SRGAP2: variants seen among roughly 807,000 people sequenced by gnomAD.
SRGAP2 encodes the protein SLIT-ROBO Rho GTPase activating protein 2.
A neutral mutation model predicts 57.2 loss-of-function variants in SRGAP2; 15 were observed. The observed-to-expected ratio is 0.26, with a 90% confidence interval of 0.18 to 0.40. The LOEUF is 0.40. Ranked by LOEUF, SRGAP2 falls within the 10% of genes least tolerant of loss-of-function variation. The pLI is 1.00. For missense variants in SRGAP2, 520 were observed against 669.6 expected, an observed-to-expected ratio of 0.78 and a Z score of 2.47; for synonymous variants, 249 against 248.0, an observed-to-expected ratio of 1.00 and a Z score of -0.04.
intron 3 of SRGAP2, among the ~76,000 whole-genome samples, chr1:206,314,092 TTTTG>T (rs1672875908): frequency 7.7e-6 from 1 of 130,312 alleles, no homozygotes; most frequent in African/African-American, 3.0e-5. Flanking sequence ...AGAGGGGCTT[TTTTG>T]TTTTTTTTGT....
At chr1:206,324,645 T>C (rs558168457) in intron 3 of SRGAP2, among the ~76,000 whole-genome samples, 2 of 152,270 alleles carry the variant, frequency 1.3e-5, no homozygotes, top group African/African-American at 4.8e-5. Context: ...AGGGAGCGTG[T>C]TCCTTGGAAA....
At chr1:206,373,072 A>C (rs1318462346) in intron 4 of SRGAP2, among the ~76,000 whole-genome samples, 93 of 38,142 alleles carry the variant, frequency 2.4e-3, no homozygotes, top group Admixed American at 3.6e-3. Flanking sequence ...CTGCCCCCCC[A>C]CTTCTTTCTT....
chr1:206,239,983 G>C (rs1205991246), intron 2 of SRGAP2, among the ~76,000 whole-genome samples: 14 of 151,448 alleles, frequency 9.2e-5, no homozygotes, highest in African/African-American at 3.2e-4. Context: ...GAAAGACATT[G>C]GGCCAGGCAC....
chr1:206,431,234 T>C (rs539304952), intron 14 of SRGAP2, among the ~76,000 whole-genome samples: 1 of 152,198 alleles, frequency 6.6e-6, no homozygotes, highest in Non-Finnish European at 1.5e-5. Context: ...AGTAACAGCA[T>C]TGTATATCAG....
chr1:206,291,748 G>C (rs1185516299), intron 2 of SRGAP2, among the ~76,000 whole-genome samples: 1 of 149,108 alleles, frequency 6.7e-6, no homozygotes, highest in Non-Finnish European at 1.5e-5. Context: ...AACTTTTGTG[G>C]GGACAGTTTA....
intron 10 of SRGAP2, among the ~76,000 whole-genome samples, chr1:206,414,015 T>A (rs1194860433): frequency 6.6e-6 from 1 of 151,494 alleles, no homozygotes; most frequent in Non-Finnish European, 1.5e-5. Context: ...TTTGTTCACT[T>A]TTCTTTTCTT....
intron 13 of SRGAP2, among the ~76,000 whole-genome samples, chr1:206,428,411 A>G (rs1267822103): frequency 7.1e-6 from 1 of 141,706 alleles, no homozygotes; most frequent in Non-Finnish European, 1.5e-5. Context: ...ACTGATTGAG[A>G]CTCTGTCTCA....
intron 4 of SRGAP2, among the ~76,000 whole-genome samples, chr1:206,362,968 A>G (rs1190969694): frequency 6.6e-6 from 1 of 150,404 alleles, no homozygotes; most frequent in East Asian, 2.0e-4. Flanking sequence ...ATGATGATAC[A>G]GTGTAATAAT....
At position 206,438,038 on chromosome 1, in the gene SRGAP2, C is replaced by T. The variant is rs1480133661; in HGVS notation, c.1708C>T (p.Arg570Trp). Residue 570 changes from arginine (R) to tryptophan (W), a missense_variant, in exon 16 of 23, where the codon CGG (arginine) becomes TGG (tryptophan). This residue lies in a region of SRGAP2 where 478 missense variants were observed against 373.6 expected (regional missense o/e 1.28). Coordinates refer to ENST00000573034, the MANE Select transcript of SRGAP2 (RefSeq NM_015326.5). ...SIAGVLKLYF[R>W]GLEHPLFPKD... is the part of the protein sequence containing the mutation. ...AGCTGGTGTCCTGAAGCTTTACTTC[C>T]GGGGGCTGGAACACCCTCTCTTCCC... The T allele has an allele frequency of 2.6e-6, 2 of 780,748 alleles. No homozygotes were observed. Among genetic ancestry groups the T allele is most frequent in the Non-Finnish European group, 4.8e-6 (2 of 417,972 alleles). The allele number at this position is 780,748 out of a possible 1,614,324, so 48.4% of individuals were successfully genotyped here.
At chr1:206,253,402 CCTT>C (rs1422082324) in intron 2 of SRGAP2, among the ~76,000 whole-genome samples, 9 of 151,138 alleles carry the variant, frequency 6.0e-5, no homozygotes, top group African/African-American at 2.2e-4. Context: ...TCTCTCTTGC[CCTT>C]CTGCCTTCTG....
chr1:206,347,201 A>G (rs1345137521), intron 4 of SRGAP2, among the ~76,000 whole-genome samples: 1 of 150,772 alleles, frequency 6.6e-6, no homozygotes, highest in Non-Finnish European at 1.5e-5. Context: ...GCAGTGATCT[A>G]TAATCATGCC....
intron 3 of SRGAP2, among the ~76,000 whole-genome samples, chr1:206,337,100 G>A (rs1178563202): frequency 6.8e-6 from 1 of 146,778 alleles, no homozygotes; most frequent in Admixed American, 6.6e-5. Flanking sequence ...TGAGACAGGG[G>A]ATGGGAGCTT....
intron 3 of SRGAP2, among the ~76,000 whole-genome samples, chr1:206,341,851 A>C (rs1402954131): frequency 6.6e-6 from 1 of 152,122 alleles, no homozygotes; most frequent in African/African-American, 2.4e-5. Flanking sequence ...TACAAAAGTT[A>C]GCTGGGCGTG....
chr1:206,462,917 C>T lies in SRGAP2; in HGVS notation c.*1497C>T, dbSNP rs1304356352. 1.3e-5 allele frequency: 2 copies of T among 152,238 alleles called. No homozygotes were observed. Among genetic ancestry groups the T allele is most frequent in the African/African-American group, 4.8e-5 (2 of 41,464 alleles). 9.4% of individuals were successfully genotyped at this position (152,238 alleles called of 1,614,324 possible). A position where few individuals can be genotyped will look rare whatever the true frequency, so the allele number is the denominator to read the frequency against. Reference sequence around the variant, plus strand: ...GACCAGACACATCCACAGCCAGGCTCATGGGTCTCAGACAGCAACTTGAGT... The same window carrying T: ...GACCAGACACATCCACAGCCAGGCTTATGGGTCTCAGACAGCAACTTGAGT... On this transcript the variant is annotated 3_prime_UTR_variant, in exon 23 of 23. Coordinates refer to ENST00000573034, the MANE Select transcript of SRGAP2 (RefSeq NM_015326.5).
chr1:206,430,262 T>C (rs1553367933), intron 14 of SRGAP2, 40 bp downstream of exon 14: 2 of 780,018 alleles, frequency 2.6e-6, no homozygotes, highest in East Asian at 2.4e-5. Context: ...TGTGCAAAGA[T>C]TGGGAAGAAC....
intron 8 of SRGAP2, among the ~76,000 whole-genome samples, chr1:206,404,612 G>A (rs1380570714): frequency 5.9e-5 from 9 of 151,660 alleles, no homozygotes; most frequent in Admixed American, 2.0e-4. Flanking sequence ...TAATCCTTGC[G>A]GGAAGGTCAG....
In SRGAP2 at chr1:206,438,033, A is replaced by ACTTCCGGG; in HGVS notation, c.1704_1711dup (p.Gly571AlafsTer18). 1.3e-6 allele frequency: 1 copy of ACTTCCGGG among 780,848 alleles called. No individual in the cohort carries two copies. The allele number at this position is 780,848 out of a possible 1,614,324, so 48.4% of individuals were successfully genotyped here. A position where few individuals can be genotyped will look rare whatever the true frequency, so the allele number is the denominator to read the frequency against. ...TCCATAGCTGGTGTCCTGAAGCTTT[A>ACTTCCGGG]CTTCCGGGGGCTGGAACACCCTCTC... On this transcript the variant is annotated frameshift_variant, in exon 16 of 23. Coordinates refer to ENST00000573034, the MANE Select transcript of SRGAP2 (RefSeq NM_015326.5). LOFTEE classifies it high-confidence loss of function.
At chr1:206,301,029 C>A (rs1288671364) in intron 2 of SRGAP2, among the ~76,000 whole-genome samples, 1 of 152,076 alleles carries the variant, frequency 6.6e-6, no homozygotes, top group Non-Finnish European at 1.5e-5. Flanking sequence ...CGCCTTGGTT[C>A]TTTTTTGTTG....
At chr1:206,373,990 C>T (rs537658434) in intron 4 of SRGAP2, among the ~76,000 whole-genome samples, 1,731 of 150,060 alleles carry the variant, frequency 0.012, 33 homozygotes, top group African/African-American at 0.037. Context: ...ATGGATACTG[C>T]GCCTGACAAC....
Sources: gnomAD v4.1 joint callset for allele counts (sites outside exome capture counted in the v4.1 genomes callset) on GRCh38, gnomAD v4.1.1 for gene constraint, gnomAD v4.1.1 regional missense constraint, MANE v1.5 for transcripts, NCBI Gene and HGNC (gene_info 2026-07-23, HGNC 2026-07-21) for gene names.